Variants in RALGPS1 observed in about 807,000 individuals in gnomAD.
The protein encoded by RALGPS1 is ras-specific guanine nucleotide-releasing factor RalGPS1.
A neutral mutation model predicts 78.8 loss-of-function variants in RALGPS1; 19 were observed. The ratio of observed to expected loss-of-function variants is 0.24; its 90% CI spans 0.17 to 0.35. The LOEUF is 0.35. Among genes scored for constraint, RALGPS1 ranks in the 10% least tolerant of loss-of-function variants. The pLI is 1.00. For missense variants in RALGPS1, 454 were observed against 688.3 expected, an observed-to-expected ratio of 0.66 and a Z score of 3.81; for synonymous variants, 228 against 256.3, an observed-to-expected ratio of 0.89 and a Z score of 1.06.
intron 1 of RALGPS1, among the ~76,000 whole-genome samples, chr9:126,915,658 C>CAGCTGCCCTGGTTACTGGCTT (rs2034075970): frequency 6.6e-6 from 1 of 152,028 alleles, no homozygotes; most frequent in Non-Finnish European, 1.5e-5. Context: ...GCTTGGAGCT[C>CAGCTGCCCTGGTTACTGGCTT]AGCTGCCCTG....
chr9:127,023,556 G>C (rs1278825208), intron 4 of RALGPS1, among the ~76,000 whole-genome samples: 1 of 152,096 alleles, frequency 6.6e-6, no homozygotes, highest in Non-Finnish European at 1.5e-5. Flanking sequence ...GCTTGGGACA[G>C]TGCCTGGCAG....
chr9:127,080,545 T>A (rs1436264089), intron 8 of RALGPS1, among the ~76,000 whole-genome samples: 2 of 152,194 alleles, frequency 1.3e-5, no homozygotes, highest in African/African-American at 2.4e-5. Flanking sequence ...ACATTTTATA[T>A]GTGTTGTTTT....
At chr9:127,151,065 TC>T (rs924130756) in intron 8 of RALGPS1, among the ~76,000 whole-genome samples, 9 of 151,990 alleles carry the variant, frequency 5.9e-5, no homozygotes, top group African/African-American at 1.9e-4. Flanking sequence ...ACGCCTGTAG[TC>T]CCAGCTACTC....
intron 11 of RALGPS1, among the ~76,000 whole-genome samples, chr9:127,182,554 C>T (rs569722205): frequency 6.2e-4 from 94 of 151,842 alleles, no homozygotes; most frequent in African/African-American, 2.1e-3. Flanking sequence ...CTCAGCCTCC[C>T]GAGTAGCTGG....
In RALGPS1 at chr9:127,024,036, C is replaced by CAAAAA. The variant is rs61549879; in HGVS notation, c.217-10380_217-10376dup. 2.2e-4 allele frequency among the ~76,000 whole-genome samples: 16 copies of CAAAAA among 71,650 alleles called. 4 individuals carry two copies. The highest frequency in any genetic ancestry group is 0.021 in the Middle Eastern group (2 of 96). The allele number at this position is 71,650 out of a possible 152,430, so 47.0% of individuals were successfully genotyped here. A position where few individuals can be genotyped will look rare whatever the true frequency, so the allele number is the denominator to read the frequency against. ...TGGGTGACAGAGTAAGACTCTGTCT[C>CAAAAA]AAAAAAAAAAAAAAAAAAAGGACAG... On this transcript the variant is annotated intron_variant, in intron 4 of 18. Coordinates refer to ENST00000259351, the MANE Select transcript of RALGPS1 (RefSeq NM_014636.3).
chr9:127,210,813 C>T, intron 14 of RALGPS1: 4 of 1,513,024 alleles, frequency 2.6e-6, no homozygotes, highest in Non-Finnish European at 3.6e-6. Context: ...TTGTTTGACA[C>T]ATAGCTTGTT....
intron 14 of RALGPS1, among the ~76,000 whole-genome samples, chr9:127,210,276 C>A (rs1014738169): frequency 4.6e-5 from 7 of 152,240 alleles, no homozygotes; most frequent in Admixed American, 4.6e-4. Context: ...GAATGACCCC[C>A]AGGCCCAACA....
chr9:127,101,451 A>G (rs939820860), intron 8 of RALGPS1, among the ~76,000 whole-genome samples: 7 of 152,128 alleles, frequency 4.6e-5, no homozygotes, highest in African/African-American at 1.2e-4. Context: ...GAGTCCCTCA[A>G]TGCTCTGTGT....
chr9:127,163,875 T>C (rs2059151174), intron 8 of RALGPS1, among the ~76,000 whole-genome samples: 1 of 152,242 alleles, frequency 6.6e-6, no homozygotes, highest in South Asian at 2.1e-4. Flanking sequence ...TCTTAGTTGT[T>C]TAATAGTAAA....
chr9:127,209,261 A>G lies in RALGPS1; in HGVS notation c.1248-2870A>G, dbSNP rs545374873. On this transcript the variant is annotated intron_variant, in intron 14 of 18. Coordinates refer to ENST00000259351, the MANE Select transcript of RALGPS1 (RefSeq NM_014636.3). ...TTCCCCTGAGCAGTGCTGCTTCTGC[A>G]TGGGCTAGCGACCTGGCCGTGCTAG... Among the ~76,000 whole-genome samples, 3 of 152,380 alleles carry G rather than the reference A, an allele frequency of 2.0e-5. No homozygotes were observed. The South Asian group carries it at 6.2e-4, about 32-fold the overall frequency.
intron 4 of RALGPS1, among the ~76,000 whole-genome samples, chr9:127,008,165 G>A (rs1464447754): frequency 6.6e-6 from 1 of 151,950 alleles, no homozygotes; most frequent in African/African-American, 2.4e-5. Context: ...ATGATGTGGG[G>A]GTGGGGCGGG....
At position 126,939,801 on chromosome 9, in the gene RALGPS1, G is replaced by C. The variant is rs145251698; in HGVS notation, c.-65-22424G>C. 4.2e-3 allele frequency among the ~76,000 whole-genome samples: 633 copies of C among 152,336 alleles called. 5 individuals are homozygous for C. The highest frequency in any genetic ancestry group is 0.014 in the African/African-American group (600 of 41,580). The stretch of plus-strand genomic sequence containing the variant: ...GAGCAGGGAGCAGCCGCATTGGCAT[G>C]TCAGAGTGACAAGCGTTGCGGAGGG... On this transcript the variant is annotated intron_variant, in intron 1 of 18. Transcript: ENST00000259351.
intron 1 of RALGPS1, among the ~76,000 whole-genome samples, chr9:126,931,695 A>G (rs2035803831): frequency 6.6e-6 from 1 of 152,212 alleles, no homozygotes; most frequent in South Asian, 2.1e-4. Context: ...GGAATTAGAT[A>G]GTGGCAGTGG....
intron 11 of RALGPS1, among the ~76,000 whole-genome samples, chr9:127,181,497 C>T (rs184748158): frequency 6.6e-6 from 1 of 152,368 alleles, no homozygotes; most frequent in African/African-American, 2.4e-5. Flanking sequence ...CCCACAGCTC[C>T]ATATATCCGT....
chr9:127,177,460 T>G (rs2059945268), intron 11 of RALGPS1, among the ~76,000 whole-genome samples: 1 of 152,154 alleles, frequency 6.6e-6, no homozygotes, highest in Non-Finnish European at 1.5e-5. Flanking sequence ...CCTCTTCCCC[T>G]CCAGGCATCT....
chr9:127,146,029 C>T (rs994018143), intron 8 of RALGPS1, among the ~76,000 whole-genome samples: 1 of 152,188 alleles, frequency 6.6e-6, no homozygotes, highest in African/African-American at 2.4e-5. Flanking sequence ...GCAGTATCTG[C>T]GGCATGGAGA....
intron 1 of RALGPS1, among the ~76,000 whole-genome samples, chr9:126,918,766 G>C (rs565696796): frequency 6.7e-6 from 1 of 150,370 alleles, no homozygotes; most frequent in South Asian, 2.1e-4. Flanking sequence ...TCCGCCTCCC[G>C]GGTTCAAGCC....
intron 5 of RALGPS1, among the ~76,000 whole-genome samples, chr9:127,039,389 G>T (rs2047106837): frequency 6.6e-6 from 1 of 152,162 alleles, no homozygotes; most frequent in Non-Finnish European, 1.5e-5. Context: ...AGTTTTGCAG[G>T]GATGTAGCAG....
At chr9:127,157,257 G>A (rs1327255466) in intron 8 of RALGPS1, among the ~76,000 whole-genome samples, 1 of 152,000 alleles carries the variant, frequency 6.6e-6, no homozygotes, top group Non-Finnish European at 1.5e-5. Context: ...TCCTTGCAAT[G>A]TTGTGTCTTC....
Sources: gnomAD v4.1 joint callset for allele counts (sites outside exome capture counted in the v4.1 genomes callset) on GRCh38, gnomAD v4.1.1 for gene constraint, MANE v1.5 for transcripts, NCBI Gene and HGNC (gene_info 2026-07-23, HGNC 2026-07-21) for gene names.